Variants in SYTL3 observed in about 807,000 individuals in gnomAD.
SYTL3 encodes synaptotagmin like 3, also known as synaptotagmin-like protein 3.
Under a neutral mutation model 82.1 loss-of-function variants are expected in SYTL3, and 88 were observed. That is an observed-to-expected ratio of 1.07 (90% CI 0.90 to 1.28). SYTL3 has a LOEUF of 1.28. Ranked by LOEUF, SYTL3 falls within the 50% of genes most tolerant of loss-of-function variation. The pLI is 0.00. For missense variants in SYTL3, 831 were observed against 757.6 expected (o/e 1.10, Z -1.14); for synonymous variants, 311 against 289.4 (o/e 1.07, Z -0.76).
At chr6:158,673,592 A>G (rs1390993330) in intron 5 of SYTL3, among the ~76,000 whole-genome samples, 3 of 151,470 alleles carry the variant, frequency 2.0e-5, no homozygotes, top group African/African-American at 7.3e-5. Flanking sequence ...GGCGCTGGCC[A>G]CCATGCCCCC....
intron 10 of SYTL3, among the ~76,000 whole-genome samples, chr6:158,719,213 G>T (rs1233739852): frequency 6.6e-6 from 1 of 152,174 alleles, no homozygotes. Context: ...TGTACTAATA[G>T]CTTAACTAGG....
upstream of SYTL3, among the ~76,000 whole-genome samples, chr6:158,646,789 G>A (rs558716344): frequency 2.0e-5 from 3 of 152,094 alleles, no homozygotes; most frequent in Non-Finnish European, 2.9e-5. Flanking sequence ...TCAGTCGTGC[G>A]CCTCAGTCCA....
At chr6:158,668,662 G>A (rs887627212) in intron 5 of SYTL3, among the ~76,000 whole-genome samples, 2 of 152,206 alleles carry the variant, frequency 1.3e-5, no homozygotes, top group East Asian at 1.9e-4. Context: ...TCAGGAGAGC[G>A]GAAGGTAAAG....
At chr6:158,706,834 G>A (rs1439098253) in intron 6 of SYTL3, among the ~76,000 whole-genome samples, 1 of 152,152 alleles carries the variant, frequency 6.6e-6, no homozygotes, top group Non-Finnish European at 1.5e-5. Context: ...AAGCTTACAG[G>A]AATAGATTCA....
chr6:158,702,166 T>C (rs916820532), intron 6 of SYTL3, among the ~76,000 whole-genome samples: 1 of 151,382 alleles, frequency 6.6e-6, no homozygotes, highest in Non-Finnish European at 1.5e-5. Context: ...ATTTTTTTTG[T>C]AGAAAAAAAA....
Position 158,725,653 on chromosome 6 carries a change from A to G in SYTL3, c.855+16A>G, listed in dbSNP as rs757351249. ...TTTTAGACACGTGAGTCTCATTCCA[A>G]TGCTCTTTTTTTGTTTTTTTGTTTT... On this transcript the variant is annotated intron_variant, in intron 11 of 17. Transcript: ENST00000611299. 5.0e-6 allele frequency: 8 copies of G among 1,599,432 alleles called. No homozygotes were observed. The highest frequency in any genetic ancestry group is 2.2e-5 in the East Asian group (1 of 44,834).
chr6:158,763,456 A>C lies in SYTL3; in HGVS notation c.1670A>C (p.Gln557Pro), dbSNP rs369908524. 24 of 1,614,108 alleles carry C rather than the reference A, an allele frequency of 1.5e-5. No homozygotes were observed. Among genetic ancestry groups the C allele is most frequent in the African/African-American group, 1.2e-4 (9 of 74,938 alleles). ...AGCTTGGAGTTAACTGTCTGGGATC[A>C]GGCCCTCTTTGGAATGAACGACCGC... is the stretch of plus-strand genomic sequence containing the variant. Reference protein sequence around the residue: ...QSSLELTVWDQALFGMNDRLL... With the variant: ...QSSLELTVWDPALFGMNDRLL... Residue 557 changes from glutamine (Q) to proline (P), a missense_variant, in exon 17 of 18, where the codon CAG (glutamine) becomes CCG (proline). Gln to Pro is a moderately conservative substitution (Grantham distance 76). Transcript: ENST00000611299.
Position 158,764,663 on chromosome 6 carries a change from G to A in SYTL3, c.*59G>A, listed in dbSNP as rs1394301197. The A allele has an allele frequency of 1.2e-5, 15 of 1,279,454 alleles. No individual in the cohort carries two copies. Among genetic ancestry groups the A allele is most frequent in the Non-Finnish European group, 1.7e-5 (15 of 877,142 alleles). 79.3% of individuals were successfully genotyped at this position (1,279,454 alleles called of 1,614,324 possible). On this transcript the variant is annotated 3_prime_UTR_variant, in exon 18 of 18. Coordinates refer to ENST00000611299, the MANE Select transcript of SYTL3 (RefSeq NM_001242394.2). ...CGTGAGGCACTGTGCGTCTGCAGAG[G>A]GGCTACGAACCAGGTGCAGGGTCCC...
chr6:158,763,320 G>A lies in SYTL3; in HGVS notation c.1534G>A (p.Asp512Asn). 1 of 1,614,180 alleles carries A rather than the reference G, an allele frequency of 6.2e-7. No individual in the cohort carries two copies. The highest frequency in any genetic ancestry group is 1.1e-5 in the South Asian group (1 of 91,066). ...CCTCTTCAGCTGTCTCACTCTGCCA[G>A]ACCAACAAAAACTGAGACTGAAGTC... The part of the protein sequence containing the change: ...SFVKGCLTLP[D>N]QQKLRLKSPV... Residue 512 changes from aspartate to asparagine, a missense_variant, in exon 17 of 18, where the codon GAC (aspartate) becomes AAC (asparagine). Physicochemically the swap from Asp to Asn is conservative, Grantham distance 23. Transcript: ENST00000611299.
chr6:158,692,040 G>A (rs1408140401), intron 6 of SYTL3, among the ~76,000 whole-genome samples: 1 of 146,062 alleles, frequency 6.8e-6, no homozygotes, highest in East Asian at 2.0e-4. Context: ...GGCGGATCAC[G>A]AGGTCAGGAG....
intron 5 of SYTL3, among the ~76,000 whole-genome samples, chr6:158,668,246 T>TTTC (rs1790330251): frequency 3.8e-5 from 3 of 79,252 alleles, no homozygotes; most frequent in African/African-American, 1.4e-4. Flanking sequence ...TTATTTATTT[T>TTTC]GAGACAGAGT....
chr6:158,716,220 A>G (rs1783405763), intron 9 of SYTL3, among the ~76,000 whole-genome samples: 1 of 152,194 alleles, frequency 6.6e-6, no homozygotes, highest in Non-Finnish European at 1.5e-5. Flanking sequence ...GCCCAGAAGC[A>G]ATCTGCATTT....
At chr6:158,675,007 T>C (rs924016678) in intron 5 of SYTL3, among the ~76,000 whole-genome samples, 1 of 151,964 alleles carries the variant, frequency 6.6e-6, no homozygotes, top group Non-Finnish European at 1.5e-5. Context: ...TATGTACATA[T>C]GTAGAAAGCT....
At chr6:158,664,513 A>C (rs935918938) in intron 4 of SYTL3, among the ~76,000 whole-genome samples, 9 of 152,240 alleles carry the variant, frequency 5.9e-5, no homozygotes, top group Non-Finnish European at 1.2e-4. Flanking sequence ...ACTGCACTCC[A>C]GCCTGGGCAA....
At chr6:158,657,285 G>C (rs1235980228) in intron 2 of SYTL3, among the ~76,000 whole-genome samples, 1 of 151,976 alleles carries the variant, frequency 6.6e-6, no homozygotes, top group Non-Finnish European at 1.5e-5. Flanking sequence ...AATTAGCCGT[G>C]TGTGATGGCG....
chr6:158,719,638 A>C (rs1783836027), intron 10 of SYTL3, among the ~76,000 whole-genome samples: 1 of 151,942 alleles, frequency 6.6e-6, no homozygotes, highest in Non-Finnish European at 1.5e-5. Flanking sequence ...CTCCCTCCGA[A>C]CTCCCTCCGG....
At chr6:158,659,602 G>A (rs1008427194) in intron 2 of SYTL3, among the ~76,000 whole-genome samples, 2 of 152,138 alleles carry the variant, frequency 1.3e-5, no homozygotes, top group African/African-American at 4.8e-5. Context: ...TGATCCGCCC[G>A]CCTCGGCCTC....
At chr6:158,672,124 C>T (rs1006561328) in intron 5 of SYTL3, among the ~76,000 whole-genome samples, 8 of 152,126 alleles carry the variant, frequency 5.3e-5, no homozygotes, top group Non-Finnish European at 1.2e-4. Flanking sequence ...AACCCTGTCT[C>T]TACTAAAATA....
chr6:158,720,050 C>T (rs1783897279), intron 10 of SYTL3, among the ~76,000 whole-genome samples: 1 of 152,124 alleles, frequency 6.6e-6, no homozygotes, highest in Admixed American at 6.6e-5. Flanking sequence ...GGTTGCACCA[C>T]TGCACTCCAG....
Sources: allele counts gnomAD v4.1 joint callset (sites outside exome capture counted in the v4.1 genomes callset), GRCh38; gene constraint gnomAD v4.1.1; transcripts MANE v1.5; gene names NCBI Gene and HGNC (gene_info 2026-07-23, HGNC 2026-07-21).